USP12: variants seen among roughly 807,000 people sequenced by gnomAD.
USP12 encodes the protein ubiquitin carboxyl-terminal hydrolase 12.
Under a neutral mutation model 45.5 loss-of-function variants are expected in USP12, and 19 were observed. That is an observed-to-expected ratio of 0.42 (90% confidence interval 0.29 to 0.61). The LOEUF is 0.61. USP12 is among the 20% of genes least tolerant of loss of function. The pLI is 0.22. For missense variants in USP12, 242 were observed against 447.7 expected (o/e 0.54, Z 4.15); for synonymous variants, 149 against 148.8 (o/e 1.00, Z -0.01).
rs747434068 is a variant in USP12 at position 27,129,831 on chromosome 13, G to A, written c.49-13235C>T. On this transcript the variant is annotated intron_variant, in intron 1 of 8. Coordinates refer to ENST00000282344, the MANE Select transcript of USP12 (RefSeq NM_182488.4). This position sits in a 1 kb window ranked among gnomAD's most constrained non-coding sequence, Gnocchi z 4.0. ...AAGCACCACTCTTTGATAAATGGTG[G>A]GGAAGTAGAAAAGAACTGGCTGCCA... is the stretch of plus-strand genomic sequence containing the variant. 6.6e-5 allele frequency among the ~76,000 whole-genome samples: 10 copies of A among 152,142 alleles called. No individual in the cohort carries two copies. The highest frequency in any genetic ancestry group is 1.5e-4 in the Non-Finnish European group (10 of 68,026).
At position 27,069,237 on chromosome 13, in the gene USP12, C is replaced by T. The variant is rs199979472; in HGVS notation, c.*46G>A. ...AGTGCTTGATCCTTTCCAAAATAACCAGAGAAGAAATGAGGCAGAAAGTGT... is the reference window on the plus strand; with the variant it reads ...AGTGCTTGATCCTTTCCAAAATAACTAGAGAAGAAATGAGGCAGAAAGTGT... On this transcript the variant is annotated 3_prime_UTR_variant, in exon 9 of 9. Transcript: ENST00000282344. 1 of 1,507,384 alleles carries T rather than the reference C, an allele frequency of 6.6e-7. No individual in the cohort carries two copies. Among genetic ancestry groups the T allele is most frequent in the African/African-American group, 1.4e-5 (1 of 72,716 alleles). The allele number at this position is 1,507,384 out of a possible 1,614,324, so 93.4% of individuals were successfully genotyped here. A position where few individuals can be genotyped will look rare whatever the true frequency, so the allele number is the denominator to read the frequency against.
At chr13:27,081,530 G>A (rs1239785285) in intron 6 of USP12, among the ~76,000 whole-genome samples, 2 of 152,162 alleles carry the variant, frequency 1.3e-5, no homozygotes, top group Admixed American at 6.5e-5. Context: ...TCATCAATGA[G>A]GGTTGGAATG....
rs2137809243 is a variant in USP12 at position 27,129,419 on chromosome 13, G to T, written c.49-12823C>A. Among the ~76,000 whole-genome samples, 1 of 152,346 alleles carries T rather than the reference G, an allele frequency of 6.6e-6. No individual in the cohort carries two copies. The highest frequency in any genetic ancestry group is 2.1e-4 in the South Asian group (1 of 4,826). ...ACCATCAACAGCTCATAAAATGACA[G>T]TGTCACTCTAAAGCTATGCGTAGGC... On this transcript the variant is annotated intron_variant, in intron 1 of 8. Coordinates refer to ENST00000282344, the MANE Select transcript of USP12 (RefSeq NM_182488.4). The surrounding 1 kb of genome is among the most constrained non-coding windows in gnomAD (Gnocchi z 4.0).
intron 3 of USP12, among the ~76,000 whole-genome samples, chr13:27,098,508 C>T (rs1874705490): frequency 1.3e-5 from 2 of 152,108 alleles, no homozygotes; most frequent in South Asian, 4.1e-4. Flanking sequence ...GACAAAATAT[C>T]ATTTTGCCCA....
At position 27,071,148 on chromosome 13, in the gene USP12, C is replaced by G; in HGVS notation, c.934G>C (p.Gly312Arg). The G allele has an allele frequency of 6.3e-7, 1 of 1,592,002 alleles. No homozygotes were observed. The highest frequency in any genetic ancestry group is 1.2e-5 in the South Asian group (1 of 84,852). ...GCAATATAATGGCCTCGATTGGGACCACTAAAACAAACGAAGAAGAAGTTA... is the reference window on the plus strand; with the variant it reads ...GCAATATAATGGCCTCGATTGGGACGACTAAAACAAACGAAGAAGAAGTTA... ...LVAVVVHCGSGPNRGHYIAIV... is the reference protein window; with the variant it reads ...LVAVVVHCGSRPNRGHYIAIV... Residue 312 changes from glycine (G) to arginine (R), a missense_variant and splice_region_variant, in exon 8 of 9, where the codon GGT becomes CGT. Transcript: ENST00000282344.
intron 1 of USP12, among the ~76,000 whole-genome samples, chr13:27,156,836 G>C (rs191542228): frequency 2.4e-4 from 35 of 147,590 alleles, no homozygotes; most frequent in Admixed American, 2.0e-3. Context: ...AAACAAAAGA[G>C]AGAGAGAGAA....
chr13:27,114,761 T>A (rs868632086), intron 2 of USP12, among the ~76,000 whole-genome samples: 19 of 135,720 alleles, frequency 1.4e-4, no homozygotes, highest in African/African-American at 5.5e-4. Context: ...TTTCCTCCTC[T>A]CCATTTTTAA....
chr13:27,169,808 G>A lies in USP12; in HGVS notation c.48+1784C>T, dbSNP rs192055842. Among the ~76,000 whole-genome samples, 30 of 152,260 alleles carry A rather than the reference G, an allele frequency of 2.0e-4. No individual in the cohort carries two copies. In the East Asian group the frequency reaches 5.4e-3, roughly 27 times the overall value. The stretch of plus-strand genomic sequence containing the variant: ...AGAATGTAAACACCAAGAAAACAGG[G>A]GCTGCCCTGACCAATACTGCATCCC... On this transcript the variant is annotated intron_variant, in intron 1 of 8. Transcript: ENST00000282344.
At chr13:27,112,936 T>G (rs1875526691) in intron 2 of USP12, among the ~76,000 whole-genome samples, 2 of 152,228 alleles carry the variant, frequency 1.3e-5, no homozygotes, top group Admixed American at 1.3e-4. Context: ...ATAGCATTAC[T>G]TTGTTTAAAT....
At chr13:27,142,035 T>C (rs899316494) in intron 1 of USP12, among the ~76,000 whole-genome samples, 3 of 152,056 alleles carry the variant, frequency 2.0e-5, no homozygotes, top group South Asian at 2.1e-4. Flanking sequence ...AGCAGGAGAA[T>C]TGCTTGAACT....
chr13:27,166,522 T>C (rs540165611), intron 1 of USP12, among the ~76,000 whole-genome samples: 1 of 152,312 alleles, frequency 6.6e-6, no homozygotes, highest in South Asian at 2.1e-4. Flanking sequence ...CTGGCCAACA[T>C]GGATCATGGT....
At chr13:27,140,858 G>A (rs1298746366) in intron 1 of USP12, among the ~76,000 whole-genome samples, 1 of 151,672 alleles carries the variant, frequency 6.6e-6, no homozygotes, top group African/African-American at 2.4e-5. Flanking sequence ...CAACCAAAAT[G>A]ACACACTAAA....
At chr13:27,111,505 C>G (rs895050337) in intron 2 of USP12, among the ~76,000 whole-genome samples, 3 of 152,128 alleles carry the variant, frequency 2.0e-5, no homozygotes, top group Admixed American at 6.5e-5. Flanking sequence ...AGTTGCCACC[C>G]TACTCGAGGT....
At chr13:27,155,660 C>T (rs1399276681) in intron 1 of USP12, among the ~76,000 whole-genome samples, 3 of 151,666 alleles carry the variant, frequency 2.0e-5, no homozygotes, top group Non-Finnish European at 3.0e-5. Context: ...TGAGGCGGAA[C>T]ATATTAAAAA....
intron 1 of USP12, among the ~76,000 whole-genome samples, chr13:27,167,948 CCTTT>C (rs1425100841): frequency 1.3e-5 from 2 of 152,126 alleles, no homozygotes; most frequent in Non-Finnish European, 2.9e-5. Context: ...CCATGTATGT[CCTTT>C]CTAATTTATG....
intron 1 of USP12, among the ~76,000 whole-genome samples, chr13:27,133,010 G>C (rs1876580378): frequency 6.6e-6 from 1 of 152,170 alleles, no homozygotes; most frequent in Non-Finnish European, 1.5e-5. Flanking sequence ...CCAAACTCAA[G>C]CTTCCACCAG....
chr13:27,097,982 T>C (rs563861223), intron 3 of USP12, among the ~76,000 whole-genome samples: 71 of 96,848 alleles, frequency 7.3e-4, no homozygotes, highest in Middle Eastern at 7.1e-3. Flanking sequence ...CTTTATATAG[T>C]ACTTTTTTTT....
At chr13:27,103,608 AAT>A (rs1491043714) in intron 3 of USP12, among the ~76,000 whole-genome samples, 1 of 32,482 alleles carries the variant, frequency 3.1e-5, no homozygotes, top group Non-Finnish European at 5.3e-5. Context: ...CAAAAAAAAA[AAT>A]AATAATAATA....
chr13:27,152,074 C>T (rs1011747655), intron 1 of USP12, among the ~76,000 whole-genome samples: 2 of 152,172 alleles, frequency 1.3e-5, no homozygotes, highest in Admixed American at 1.3e-4. Flanking sequence ...AATGGTCCAT[C>T]TCTGGAAAAC....
Sources: gnomAD v4.1 joint callset for allele counts (sites outside exome capture counted in the v4.1 genomes callset) on GRCh38, gnomAD v4.1.1 for gene constraint, Gnocchi (gnomAD v3.1) non-coding constraint, MANE v1.5 for transcripts, NCBI Gene and HGNC (gene_info 2026-07-23, HGNC 2026-07-21) for gene names.